The following USH2A variants were observed in gnomAD, a reference collection of about 807,000 sequenced individuals.
The protein encoded by USH2A is usherin, also known as Usher syndrome 2A (autosomal recessive, mild).
Under a neutral mutation model 538.9 loss-of-function variants are expected in USH2A, and 443 were observed. The ratio of observed to expected loss-of-function variants is 0.82; its 90% confidence interval spans 0.76 to 0.89. The LOEUF is 0.89. USH2A is among the 40% of genes least tolerant of loss of function. The pLI is 0.00. For synonymous variants in USH2A, 2,413 were observed against 2,273.5 expected (o/e 1.06, Z -1.75); for missense variants, 6,633 against 6,324.8 (o/e 1.05, Z -1.65).
intron 62 of USH2A, among the ~76,000 whole-genome samples, chr1:215,677,647 C>A (rs2102669333): frequency 6.6e-6 from 1 of 152,302 alleles, no homozygotes; most frequent in Non-Finnish European, 1.5e-5. Flanking sequence ...TTTCTCTTCT[C>A]TTTTTGGACA....
At chr1:215,687,565 G>A (rs1003670650) in intron 61 of USH2A, among the ~76,000 whole-genome samples, 2 of 151,960 alleles carry the variant, frequency 1.3e-5, no homozygotes, top group Admixed American at 6.6e-5. Flanking sequence ...GGGAAAAATG[G>A]TTTTGAAATG....
chr1:216,353,410 T>TA (rs57886665), intron 4 of USH2A, among the ~76,000 whole-genome samples: 2,247 of 151,776 alleles, frequency 0.015, 48 homozygotes, highest in African/African-American at 0.049. Context: ...GCTAGATTTA[T>TA]AAAAAAACAT....
At chr1:215,953,044 A>G (rs1325681857) in intron 37 of USH2A, among the ~76,000 whole-genome samples, 1 of 152,104 alleles carries the variant, frequency 6.6e-6, no homozygotes, top group African/African-American at 2.4e-5. Flanking sequence ...ACTACAAACC[A>G]CTGCTCAATG....
intron 11 of USH2A, among the ~76,000 whole-genome samples, chr1:216,271,771 A>T (rs186359546): frequency 2.6e-4 from 40 of 152,162 alleles, no homozygotes; most frequent in African/African-American, 9.6e-4. Flanking sequence ...TGAGATGATT[A>T]CCTGGGAATT....
chr1:215,935,318 G>T (rs1199468718), intron 37 of USH2A, among the ~76,000 whole-genome samples: 1 of 151,872 alleles, frequency 6.6e-6, no homozygotes, highest in African/African-American at 2.4e-5. Flanking sequence ...TGTTCACTTT[G>T]CTTGAAATGT....
At chr1:216,237,088 CT>C (rs2035838315) in intron 13 of USH2A, among the ~76,000 whole-genome samples, 1 of 152,104 alleles carries the variant, frequency 6.6e-6, no homozygotes, top group Non-Finnish European at 1.5e-5. Context: ...CAAATGCATG[CT>C]CTAAAGCCTG....
chr1:216,222,979 A>AG (rs1491270061), intron 14 of USH2A, among the ~76,000 whole-genome samples: 4 of 23,334 alleles, frequency 1.7e-4, no homozygotes, highest in African/African-American at 5.8e-4. Flanking sequence ...ACTCCATCTC[A>AG]GAAAAAAAAA....
chr1:216,093,082 A>G (rs772704413), intron 22 of USH2A, among the ~76,000 whole-genome samples: 1 of 151,968 alleles, frequency 6.6e-6, no homozygotes, highest in Non-Finnish European at 1.5e-5. Context: ...TCTCTGCCTC[A>G]GTCTCCCGAG....
chr1:216,330,559 C>G (rs1313912210), intron 4 of USH2A, among the ~76,000 whole-genome samples: 1 of 150,576 alleles, frequency 6.6e-6, no homozygotes, highest in Admixed American at 6.6e-5. Context: ...CATCCTGGAG[C>G]AGAATAAAAG....
rs1220194737 is a variant in USH2A, at chr1:215,888,419, A to T, written c.8223+7T>A. The T allele has an allele frequency of 1.9e-6, 3 of 1,612,586 alleles. No individual in the cohort carries two copies. The South Asian group carries it at 3.3e-5, about 18-fold the overall frequency. On this transcript the variant is annotated splice_region_variant and intron_variant, in intron 41 of 71. Coordinates refer to ENST00000307340, the MANE Select transcript of USH2A (RefSeq NM_206933.4). ...CTGCAAAGGAGAGAGAATAGTCAGT[A>T]TCTTACCTGGACTGCATCGGGTTCC...
At chr1:216,403,719 G>A (rs1013226223) in intron 3 of USH2A, among the ~76,000 whole-genome samples, 7 of 152,064 alleles carry the variant, frequency 4.6e-5, no homozygotes, top group African/African-American at 1.7e-4. Context: ...CAACAAAACA[G>A]GTGCAGGATG....
rs151254144 is a variant in USH2A at position 215,825,422 on chromosome 1, G to T, written c.9372-8227C>A. Among the ~76,000 whole-genome samples, 70 of 151,348 alleles carry T rather than the reference G, an allele frequency of 4.6e-4. No individual in the cohort carries two copies. The East Asian group carries it at 0.013, about 29-fold the overall frequency. ...CAAAGGAGTGTAGGGAAAATAATTT[G>T]ATATCACTTACCTTTACACAGGTGA... On this transcript the variant is annotated intron_variant, in intron 47 of 71. Coordinates refer to ENST00000307340, the MANE Select transcript of USH2A (RefSeq NM_206933.4).
intron 19 of USH2A, chr1:216,195,843 A>C (rs189977519): frequency 6.0e-6 from 1 of 167,302 alleles, no homozygotes; most frequent in Non-Finnish European, 1.5e-5. Context: ...GGCCACCTGG[A>C]TGCTGGTAAA....
chr1:215,855,295 A>G (rs1483807216), intron 44 of USH2A, among the ~76,000 whole-genome samples: 1 of 152,186 alleles, frequency 6.6e-6, no homozygotes, highest in Non-Finnish European at 1.5e-5. Context: ...AAATTCAGCA[A>G]AGTTTTGGGA....
intron 34 of USH2A, among the ~76,000 whole-genome samples, chr1:215,998,576 T>C (rs1393629759): frequency 6.6e-6 from 1 of 152,080 alleles, no homozygotes; most frequent in Non-Finnish European, 1.5e-5. Context: ...CCTAGCACTT[T>C]AGAAAAAGTT....
intron 37 of USH2A, among the ~76,000 whole-genome samples, chr1:215,956,337 A>T (rs1390497433): frequency 6.6e-6 from 1 of 152,126 alleles, no homozygotes; most frequent in East Asian, 1.9e-4. Context: ...AAATCCCCCA[A>T]ATCACTTGTG....
chr1:216,073,309 T>C lies in USH2A; in HGVS notation c.5573-9A>G, dbSNP rs369759487. The stretch of plus-strand genomic sequence containing the variant: ...CATGCAACCACCGAAACCTAGCAAA[T>C]AGTAAGGGATTAGTATCGCATAAAG... On this transcript the variant is annotated splice_polypyrimidine_tract_variant and intron_variant, in intron 27 of 71. Transcript: ENST00000307340. 1.2e-6 allele frequency: 2 copies of C among 1,600,808 alleles called. No individual in the cohort carries two copies. Among genetic ancestry groups the C allele is most frequent in the Non-Finnish European group, 1.7e-6 (2 of 1,176,548 alleles).
intron 20 of USH2A, 21 bp from the exon 21 acceptor site, chr1:216,175,503 G>C (rs2034360316): frequency 6.2e-7 from 1 of 1,611,392 alleles, no homozygotes. Context: ...GAAAACACCT[G>C]TTATATTCAA....
Position 215,680,200 on chromosome 1 carries a change from C to T in USH2A, c.12243G>A (p.Arg4081=). ...NFIVEQKENG[R]ALLLQWSEPM... is the part of the protein sequence containing the mutation. ...GTTCTGACCACTGTAGTAGCAATGC[C>T]CGGCCATTCTCTTTCTGTTCTACTA... The change falls in exon 62 of 72, where the codon CGG becomes CGA. Residue 4081 remains arginine (R), a synonymous_variant. Coordinates refer to ENST00000307340, the MANE Select transcript of USH2A (RefSeq NM_206933.4). 1.2e-6 allele frequency: 2 copies of T among 1,614,094 alleles called. No homozygotes were observed. Among genetic ancestry groups the T allele is most frequent in the Admixed American group, 1.7e-5 (1 of 60,010 alleles).
Sources: gnomAD v4.1 joint callset for allele counts (sites outside exome capture counted in the v4.1 genomes callset) on GRCh38, gnomAD v4.1.1 for gene constraint, MANE v1.5 for transcripts, NCBI Gene and HGNC (gene_info 2026-07-23, HGNC 2026-07-21) for gene names.